The following PCCA variants were observed in gnomAD, a reference collection of about 807,000 sequenced individuals.
PCCA encodes propionyl-CoA carboxylase subunit alpha.
In PCCA, 74 loss-of-function variants were observed where a neutral mutation model predicts 101.3. That is an observed-to-expected ratio of 0.73 (90% CI 0.61 to 0.89). PCCA has a LOEUF of 0.89. Among genes scored for constraint, PCCA ranks in the 40% least tolerant of loss-of-function variants. The pLI, the probability that PCCA is intolerant of heterozygous loss-of-function variation, is 0.00. For missense variants in PCCA, 891 were observed against 907.0 expected, an observed-to-expected ratio of 0.98 and a Z score of 0.23; for synonymous variants, 294 against 313.6, an observed-to-expected ratio of 0.94 and a Z score of 0.66.
chr13:100,161,978 T>C (rs77651982), intron 6 of PCCA, among the ~76,000 whole-genome samples: 2,662 of 152,238 alleles, frequency 0.017, 83 homozygotes, highest in African/African-American at 0.061. Flanking sequence ...CATGAAAACA[T>C]TGAAAATTAG....
intron 19 of PCCA, among the ~76,000 whole-genome samples, chr13:100,422,113 T>TCTTTCTTTCTTC (rs1412388142): frequency 0.018 from 2,392 of 131,370 alleles, 66 homozygotes; most frequent in Middle Eastern, 0.036. Flanking sequence ...TTTCTTTCTT[T>TCTTTCTTTCTTC]CTTTCTTTTC....
intron 19 of PCCA, among the ~76,000 whole-genome samples, chr13:100,424,205 A>C (rs1595855914): frequency 6.6e-6 from 1 of 152,268 alleles, no homozygotes; most frequent in East Asian, 1.9e-4. Flanking sequence ...TAATCTAGAG[A>C]TGATTCAATA....
At chr13:100,239,756 A>T (rs1172693883) in intron 8 of PCCA, among the ~76,000 whole-genome samples, 2 of 152,168 alleles carry the variant, frequency 1.3e-5, no homozygotes, top group Admixed American at 6.5e-5. Context: ...CTGTCCTTTA[A>T]CAACTTCCAG....
chr13:100,446,498 C>A (rs1345234104), intron 20 of PCCA, among the ~76,000 whole-genome samples: 1 of 152,142 alleles, frequency 6.6e-6, no homozygotes, highest in Admixed American at 6.5e-5. Flanking sequence ...TCCAATAATT[C>A]TGCTGTCTTT....
chr13:100,368,899 A>T (rs1009875130), intron 19 of PCCA, among the ~76,000 whole-genome samples: 1 of 152,254 alleles, frequency 6.6e-6, no homozygotes, highest in Admixed American at 6.5e-5. Flanking sequence ...TAGTGGTGGT[A>T]GGTAACCATC....
chr13:100,248,605 A>T (rs1207023690), intron 8 of PCCA, among the ~76,000 whole-genome samples: 1 of 151,986 alleles, frequency 6.6e-6, no homozygotes, highest in Non-Finnish European at 1.5e-5. Context: ...TTTTATTGAG[A>T]TGTCTCTTCA....
chr13:100,257,898 T>A (rs986876708), intron 9 of PCCA, among the ~76,000 whole-genome samples: 1 of 152,180 alleles, frequency 6.6e-6, no homozygotes, highest in Non-Finnish European at 1.5e-5. Flanking sequence ...TTTTAAACAT[T>A]AACAAAGGAT....
At chr13:100,162,159 A>T (rs1393858033) in intron 6 of PCCA, among the ~76,000 whole-genome samples, 2 of 151,902 alleles carry the variant, frequency 1.3e-5, no homozygotes, top group Non-Finnish European at 2.9e-5. Context: ...GTTTTGTAAG[A>T]TACTCTTAGT....
intron 18 of PCCA, among the ~76,000 whole-genome samples, chr13:100,367,816 C>T (rs1567015286): frequency 6.6e-6 from 1 of 150,946 alleles, no homozygotes; most frequent in Non-Finnish European, 1.5e-5. Context: ...AAATTAGCCG[C>T]GTGTGGTGGT....
intron 1 of PCCA, among the ~76,000 whole-genome samples, chr13:100,102,614 A>G (rs1243121703): frequency 6.6e-6 from 1 of 152,172 alleles, no homozygotes; most frequent in African/African-American, 2.4e-5. Flanking sequence ...AATGATCAGA[A>G]AGGCTTTCTT....
chr13:100,228,864 C>T (rs1397580190), intron 7 of PCCA, among the ~76,000 whole-genome samples: 1 of 144,566 alleles, frequency 6.9e-6, no homozygotes, highest in East Asian at 2.0e-4. Context: ...CGCTCCATTG[C>T]ACTCCAGCCT....
chr13:100,302,047 T>G (rs77348049), intron 13 of PCCA, among the ~76,000 whole-genome samples: 2 of 152,218 alleles, frequency 1.3e-5, no homozygotes, highest in Admixed American at 1.3e-4. Flanking sequence ...ACCTTTTTTT[T>G]GTATAATTTT....
At chr13:100,123,632 T>TGG (rs11439395) in intron 4 of PCCA, among the ~76,000 whole-genome samples, 4,857 of 151,232 alleles carry the variant, frequency 0.032, 116 homozygotes, top group Middle Eastern at 0.048. Context: ...AACAACATAA[T>TGG]GGGGGGGGAT....
intron 20 of PCCA, among the ~76,000 whole-genome samples, chr13:100,446,776 A>G (rs904514303): frequency 2.0e-5 from 3 of 152,252 alleles, no homozygotes; most frequent in African/African-American, 7.2e-5. Context: ...ACGAGAGTCA[A>G]CTAATATTTT....
chr13:100,411,292 C>T (rs1004568548), intron 19 of PCCA, among the ~76,000 whole-genome samples: 6 of 148,674 alleles, frequency 4.0e-5, no homozygotes, highest in Non-Finnish European at 8.9e-5. Context: ...GTGGCACGAT[C>T]TTGACTCACT....
At chr13:100,196,962 T>A (rs1272946235) in intron 6 of PCCA, among the ~76,000 whole-genome samples, 1 of 152,092 alleles carries the variant, frequency 6.6e-6, no homozygotes, top group Non-Finnish European at 1.5e-5. Flanking sequence ...CTCTTCTAGG[T>A]TATTCTGCTC....
intron 21 of PCCA, among the ~76,000 whole-genome samples, chr13:100,496,489 G>A (rs2085287554): frequency 6.6e-6 from 1 of 151,838 alleles, no homozygotes; most frequent in Admixed American, 6.6e-5. Flanking sequence ...ATTTTTGGCA[G>A]GAACGTAACG....
chr13:100,312,013 A>C (rs569706241), intron 16 of PCCA, among the ~76,000 whole-genome samples: 11 of 152,328 alleles, frequency 7.2e-5, no homozygotes, highest in African/African-American at 2.6e-4. Context: ...TTATCCTATA[A>C]GATTATTAGG....
At chr13:100,094,092 G>A (rs1032680339) in intron 1 of PCCA, among the ~76,000 whole-genome samples, 3 of 152,088 alleles carry the variant, frequency 2.0e-5, no homozygotes, top group Non-Finnish European at 4.4e-5. Context: ...GCCGGGCATG[G>A]TGGCGCATGC....
Sources: gnomAD v4.1 joint callset for allele counts (sites outside exome capture counted in the v4.1 genomes callset) on GRCh38, gnomAD v4.1.1 for gene constraint, MANE v1.5 for transcripts, NCBI Gene and HGNC (gene_info 2026-07-23, HGNC 2026-07-21) for gene names.